The following SHISA9 variants were observed in gnomAD, a reference collection of about 807,000 sequenced individuals.
SHISA9 encodes shisa family member 9.
A neutral mutation model predicts 38.0 loss-of-function variants in SHISA9; 13 were observed. That is an observed-to-expected ratio of 0.34 (90% CI 0.22 to 0.54). The LOEUF is 0.54. Ranked by LOEUF, SHISA9 falls within the 20% of genes least tolerant of loss-of-function variation. The pLI, the probability that SHISA9 is intolerant of heterozygous loss-of-function variation, is 0.91. For synonymous variants in SHISA9, 275 were observed against 242.0 expected, an observed-to-expected ratio of 1.14 and a Z score of -1.27; for missense variants, 538 against 575.8, an observed-to-expected ratio of 0.93 and a Z score of 0.67.
the SHISA9 span, among the ~76,000 whole-genome samples, chr16:13,442,589 G>A: frequency 5.3e-5 from 8 of 152,152 alleles, no homozygotes; most frequent in Non-Finnish European, 1.0e-4. Context: ...ACAGACATGA[G>A]CCATCTCACC....
At chr16:13,550,919 C>G in the SHISA9 span, among the ~76,000 whole-genome samples, 2 of 151,974 alleles carry the variant, frequency 1.3e-5, no homozygotes, top group Non-Finnish European at 2.9e-5. Flanking sequence ...GTCAGGCGTT[C>G]GAGACCAGCC....
At chr16:13,447,554 C>T in the SHISA9 span, among the ~76,000 whole-genome samples, 1 of 152,160 alleles carries the variant, frequency 6.6e-6, no homozygotes, top group East Asian at 1.9e-4. Flanking sequence ...GTGGGCAGAT[C>T]CAAGCTACCA....
chr16:13,275,976 G>T, the SHISA9 span, among the ~76,000 whole-genome samples: 2 of 151,692 alleles, frequency 1.3e-5, no homozygotes, highest in South Asian at 2.1e-4. Flanking sequence ...ATTTGGTTAC[G>T]TGAGTAAGTT....
At chr16:13,371,972 G>T in the SHISA9 span, among the ~76,000 whole-genome samples, 1 of 152,208 alleles carries the variant, frequency 6.6e-6, no homozygotes, top group African/African-American at 2.4e-5. Context: ...TCTCTTGCCT[G>T]CCTTTCTTCT....
chr16:13,322,189 G>C, the SHISA9 span, among the ~76,000 whole-genome samples: 1 of 152,166 alleles, frequency 6.6e-6, no homozygotes, highest in African/African-American at 2.4e-5. Flanking sequence ...ACTGAGTTCA[G>C]CCAACCAGAT....
chr16:13,562,630 A>G, the SHISA9 span: 14 of 72,762 alleles, frequency 1.9e-4, no homozygotes, highest in South Asian at 1.6e-3. Flanking sequence ...ACTCTGTCTG[A>G]AAAAAAAAAA....
the SHISA9 span, among the ~76,000 whole-genome samples, chr16:13,540,670 G>A: frequency 1.3e-5 from 2 of 152,178 alleles, no homozygotes; most frequent in African/African-American, 2.4e-5. Context: ...CCAAGTTTGG[G>A]GAACCCAAAG....
At chr16:13,157,727 G>C (rs1307170881) in intron 2 of SHISA9, among the ~76,000 whole-genome samples, 1 of 152,202 alleles carries the variant, frequency 6.6e-6, no homozygotes, top group Non-Finnish European at 1.5e-5. Context: ...CTGCCTGTCA[G>C]CTGTCCTCCC....
the SHISA9 span, among the ~76,000 whole-genome samples, chr16:13,433,072 A>T: frequency 0.74 from 111,424 of 151,382 alleles, 41,214 homozygotes; most frequent in Admixed American, 0.82. Context: ...TAAAATAAAA[A>T]TTTTAAAAAA....
At chr16:13,140,680 G>A (rs1325335402) in intron 2 of SHISA9, among the ~76,000 whole-genome samples, 4 of 152,210 alleles carry the variant, frequency 2.6e-5, no homozygotes, top group African/African-American at 9.6e-5. Context: ...GTGTAAACAT[G>A]TGAATAGATC....
chr16:13,547,924 A>G, the SHISA9 span, among the ~76,000 whole-genome samples: 4 of 152,218 alleles, frequency 2.6e-5, no homozygotes, highest in Non-Finnish European at 4.4e-5. Flanking sequence ...TTTGAGCTGA[A>G]AGGACAAAGC....
the SHISA9 span, among the ~76,000 whole-genome samples, chr16:13,434,354 T>C: frequency 6.6e-6 from 1 of 151,714 alleles, no homozygotes; most frequent in Non-Finnish European, 1.5e-5. Context: ...AACAATACTT[T>C]GCATCCTTCA....
chr16:13,135,948 G>A (rs1382118315), intron 2 of SHISA9, among the ~76,000 whole-genome samples: 2 of 152,162 alleles, frequency 1.3e-5, no homozygotes, highest in South Asian at 2.1e-4. Context: ...AAGCTGACAT[G>A]TCAGTCCCAG....
chr16:13,287,360 C>T, the SHISA9 span, among the ~76,000 whole-genome samples: 1 of 152,142 alleles, frequency 6.6e-6, no homozygotes, highest in Non-Finnish European at 1.5e-5. Context: ...ATGTGCGAAT[C>T]TGAGCTGAAG....
At chr16:13,020,930 A>C (rs1213040980) in intron 2 of SHISA9, among the ~76,000 whole-genome samples, 1 of 152,222 alleles carries the variant, frequency 6.6e-6, no homozygotes, top group South Asian at 2.1e-4. Flanking sequence ...AGCTGTGACC[A>C]CATAATATCT....
intron 4 of SHISA9, among the ~76,000 whole-genome samples, chr16:13,224,310 G>C (rs1206411434): frequency 6.6e-6 from 1 of 152,164 alleles, no homozygotes; most frequent in Admixed American, 6.5e-5. Flanking sequence ...CTGCTAAAGA[G>C]TATCCAGGTC....
intron 2 of SHISA9, among the ~76,000 whole-genome samples, chr16:13,135,184 A>G (rs1337945899): frequency 6.6e-6 from 1 of 152,228 alleles, no homozygotes; most frequent in East Asian, 1.9e-4. Flanking sequence ...AGAATCTACT[A>G]CAGGATATCA....
At chr16:13,047,530 T>C (rs6498378) in intron 2 of SHISA9, among the ~76,000 whole-genome samples, 118,513 of 152,106 alleles carry the variant, frequency 0.78, 46,632 homozygotes, top group African/African-American at 0.89. Flanking sequence ...CTGGGAAGGT[T>C]TGATCCAGGA....
At chr16:13,380,159 A>C in the SHISA9 span, among the ~76,000 whole-genome samples, 2 of 151,880 alleles carry the variant, frequency 1.3e-5, no homozygotes, top group African/African-American at 4.8e-5. Context: ...AGAATCCTCA[A>C]AAAAAAATAG....
Sources: allele counts gnomAD v4.1 joint callset (sites outside exome capture counted in the v4.1 genomes callset), GRCh38; gene constraint gnomAD v4.1.1; transcripts MANE v1.5; gene names NCBI Gene and HGNC (gene_info 2026-07-23, HGNC 2026-07-21).